Variants in IQGAP2 observed in about 807,000 individuals in gnomAD.
The protein encoded by IQGAP2 is ras GTPase-activating-like protein IQGAP2.
Under a neutral mutation model 201.3 loss-of-function variants are expected in IQGAP2, and 173 were observed. The ratio of observed to expected loss-of-function variants is 0.86; its 90% CI spans 0.76 to 0.98. The LOEUF is 0.98. Among genes scored for constraint, IQGAP2 ranks in the 50% least tolerant of loss-of-function variants. The pLI is 0.00. For missense variants in IQGAP2, 1,687 were observed against 1,864.8 expected, an observed-to-expected ratio of 0.90 and a Z score of 1.76; for synonymous variants, 675 against 673.9, an observed-to-expected ratio of 1.00 and a Z score of -0.03.
chr5:76,629,836 T>C lies in IQGAP2; in HGVS notation c.1613-2023T>C, dbSNP rs182430960. 2.6e-5 allele frequency among the ~76,000 whole-genome samples: 4 copies of C among 151,914 alleles called. No individual in the cohort carries two copies. In the East Asian group the frequency reaches 7.7e-4, roughly 29 times the overall value. ...GGATCTCTTAGGAGATTTATGGAGG[T>C]TTCTTAATTTGTTCCTTGGCAGAAA... On this transcript the variant is annotated intron_variant, in intron 14 of 35. Transcript: ENST00000274364.
chr5:76,606,178 G>A lies in IQGAP2; in HGVS notation c.1233-1G>A. On this transcript the variant is annotated splice_acceptor_variant, in intron 11 of 35. Coordinates refer to ENST00000274364, the MANE Select transcript of IQGAP2 (RefSeq NM_006633.5). LOFTEE classifies it high-confidence loss of function. ...CATCAAGATTATTTTCTCTTCCACA[G>A]TTATGCAAACACACTACTCTCTGTT... The A allele has an allele frequency of 6.3e-7, 1 of 1,591,110 alleles. No homozygotes were observed. Among genetic ancestry groups the A allele is most frequent in the Non-Finnish European group, 8.5e-7 (1 of 1,170,574 alleles).
chr5:76,423,633 A>T (rs946700832), intron 1 of IQGAP2, among the ~76,000 whole-genome samples: 1 of 152,226 alleles, frequency 6.6e-6, no homozygotes, highest in Admixed American at 6.5e-5. Flanking sequence ...AAAAGGAGAA[A>T]TAGTGCTTGG....
chr5:76,667,864 C>T (rs1743919876), intron 22 of IQGAP2, among the ~76,000 whole-genome samples: 1 of 138,272 alleles, frequency 7.2e-6, no homozygotes, highest in African/African-American at 2.9e-5. Flanking sequence ...TAGCCGGGCC[C>T]TTAGTCCACT....
In IQGAP2 at chr5:76,447,403, G is replaced by A. The variant is rs570647751; in HGVS notation, c.47-14167G>A. 3.3e-5 allele frequency among the ~76,000 whole-genome samples: 5 copies of A among 152,282 alleles called. No homozygotes were observed. The East Asian group carries it at 7.7e-4, about 24-fold the overall frequency. ...GGATATAAACCTGGGCATTCAAGCC[G>A]GCAATGGCAACCCCCTTTGGGTCCC... On this transcript the variant is annotated intron_variant, in intron 1 of 35. Transcript: ENST00000274364.
chr5:76,471,364 C>CAAAAAAAAAAAA (rs59781605), intron 2 of IQGAP2, among the ~76,000 whole-genome samples: 1 of 72,534 alleles, frequency 1.4e-5, no homozygotes, highest in Non-Finnish European at 2.8e-5. Flanking sequence ...ATAAACTAAG[C>CAAAAAAAAAAAA]AAAAAAAAAA....
intron 16 of IQGAP2, among the ~76,000 whole-genome samples, chr5:76,639,883 G>A (rs571969051): frequency 3.5e-4 from 54 of 152,114 alleles, no homozygotes; most frequent in African/African-American, 1.3e-3. Context: ...TGCTAATTTT[G>A]AAGAAAAAAA....
Position 76,524,895 on chromosome 5 carries a change from A to G in IQGAP2, c.147-37501A>G, listed in dbSNP as rs1357701244. Among the ~76,000 whole-genome samples, 3 of 152,210 alleles carry G rather than the reference A, an allele frequency of 2.0e-5. No homozygotes were observed. In the East Asian group the frequency reaches 5.8e-4, roughly 29 times the overall value. On this transcript the variant is annotated intron_variant, in intron 2 of 35. Transcript: ENST00000274364. Reference sequence around the variant, plus strand: ...TCTATGTGTTTATAGTAACATCAAGACAATGACATCCTGCAATTGCACTAG... The same window carrying G: ...TCTATGTGTTTATAGTAACATCAAGGCAATGACATCCTGCAATTGCACTAG...
chr5:76,650,428 A>G (rs901185046), intron 17 of IQGAP2, among the ~76,000 whole-genome samples: 8 of 152,228 alleles, frequency 5.3e-5, no homozygotes, highest in African/African-American at 1.9e-4. Flanking sequence ...TTTAATAGAT[A>G]TTCTAGATAT....
chr5:76,454,399 T>C lies in IQGAP2; in HGVS notation c.47-7171T>C, dbSNP rs189868496. Among the ~76,000 whole-genome samples the C allele has an allele frequency of 5.2e-3, 785 of 151,066 alleles. 2 individuals carry two copies. Among genetic ancestry groups the C allele is most frequent in the Middle Eastern group, 0.037 (11 of 294 alleles). On this transcript the variant is annotated intron_variant, in intron 1 of 35. Coordinates refer to ENST00000274364, the MANE Select transcript of IQGAP2 (RefSeq NM_006633.5). ...TTGGTGTGCTGCACCCATTAACTCGTCCTTTAGCATTAGGTATATCTCCTA... is the reference window on the plus strand; with the variant it reads ...TTGGTGTGCTGCACCCATTAACTCGCCCTTTAGCATTAGGTATATCTCCTA...
chr5:76,636,904 C>T (rs1181770310), intron 15 of IQGAP2, 130 bp from the exon 16 acceptor site: 2 of 671,126 alleles, frequency 3.0e-6, no homozygotes, highest in Admixed American at 3.6e-5. Context: ...TAGTGGGTCA[C>T]TTCTGATGCC....
chr5:76,412,310 T>A (rs531593051), intron 1 of IQGAP2, among the ~76,000 whole-genome samples: 162 of 152,300 alleles, frequency 1.1e-3, no homozygotes, highest in African/African-American at 3.7e-3. Flanking sequence ...TTAATTTTTT[T>A]AAAAATTAGG....
At chr5:76,428,472 T>A (rs1417721940) in intron 1 of IQGAP2, among the ~76,000 whole-genome samples, 1 of 150,136 alleles carries the variant, frequency 6.7e-6, no homozygotes, top group Non-Finnish European at 1.5e-5. Context: ...AGTTCTGCTC[T>A]TGTTGCCCAG....
In IQGAP2 at chr5:76,677,212, T is replaced by TGAA; in HGVS notation, c.3528-6_3528-5insGAA. 6.2e-7 allele frequency: 1 copy of TGAA among 1,611,980 alleles called. No individual in the cohort carries two copies. Among genetic ancestry groups the TGAA allele is most frequent in the Non-Finnish European group, 8.5e-7 (1 of 1,179,058 alleles). On this transcript the variant is annotated splice_polypyrimidine_tract_variant and splice_region_variant and intron_variant, in intron 27 of 35. Coordinates refer to ENST00000274364, the MANE Select transcript of IQGAP2 (RefSeq NM_006633.5). Reference sequence around the variant, plus strand: ...TCTGTCTTAAGACTTTTCCCCCCTTTATTAGGAAATATTTCAAAGAAGCAT... The same window carrying TGAA: ...TCTGTCTTAAGACTTTTCCCCCCTTTGAAATTAGGAAATATTTCAAAGAAGCAT...
At chr5:76,443,939 A>G (rs913145515) in intron 1 of IQGAP2, among the ~76,000 whole-genome samples, 16 of 152,214 alleles carry the variant, frequency 1.1e-4, no homozygotes, top group Non-Finnish European at 2.1e-4. Context: ...GGGATTGAAT[A>G]TAGAATTCAC....
At position 76,589,703 on chromosome 5, in the gene IQGAP2, T is replaced by C; in HGVS notation, c.615T>C (p.Asn205=). 1 of 1,605,486 alleles carries C rather than the reference T, an allele frequency of 6.2e-7. No homozygotes were observed. The highest frequency in any genetic ancestry group is 8.5e-7 in the Non-Finnish European group (1 of 1,175,624). The part of the protein sequence containing the change: ...SFSKIGGILA[N]ELSVDEAALH... The stretch of plus-strand genomic sequence containing the variant: ...GCAAAATAGGTGGTATTCTGGCCAA[T>C]GAACTGTCCGTGGATGAAGCTGCAT... The change falls in exon 7 of 36, where the codon AAT becomes AAC. Residue 205 remains asparagine, a synonymous_variant. Coordinates refer to ENST00000274364, the MANE Select transcript of IQGAP2 (RefSeq NM_006633.5).
chr5:76,444,612 T>C (rs1236975481), intron 1 of IQGAP2, among the ~76,000 whole-genome samples: 2 of 152,246 alleles, frequency 1.3e-5, no homozygotes, highest in Non-Finnish European at 2.9e-5. Context: ...ATTGTTATTT[T>C]TTAACAACTT....
intron 2 of IQGAP2, among the ~76,000 whole-genome samples, chr5:76,560,547 TA>T (rs1744293730): frequency 6.6e-6 from 1 of 152,218 alleles, no homozygotes; most frequent in Non-Finnish European, 1.5e-5. Flanking sequence ...GGTGAGGACT[TA>T]CTGTACTCCA....
At chr5:76,481,153 A>G (rs1289692676) in intron 2 of IQGAP2, among the ~76,000 whole-genome samples, 2 of 152,096 alleles carry the variant, frequency 1.3e-5, no homozygotes, top group African/African-American at 4.8e-5. Flanking sequence ...CAACATATGA[A>G]TTTGGGGGCA....
intron 1 of IQGAP2, among the ~76,000 whole-genome samples, 188 bp from the exon 2 acceptor site, chr5:76,461,378 AAAAT>A (rs1754444234): frequency 6.6e-6 from 1 of 151,590 alleles, no homozygotes; most frequent in South Asian, 2.1e-4. Flanking sequence ...AAAAAAAAAA[AAAAT>A]AAAAATAAAG....
Sources: allele counts gnomAD v4.1 joint callset (sites outside exome capture counted in the v4.1 genomes callset), GRCh38; gene constraint gnomAD v4.1.1; transcripts MANE v1.5; gene names NCBI Gene and HGNC (gene_info 2026-07-23, HGNC 2026-07-21).